CAMK4: variants seen among roughly 807,000 people sequenced by gnomAD.
CAMK4 encodes calcium/calmodulin-dependent protein kinase type IV.
A neutral mutation model predicts 44.9 loss-of-function variants in CAMK4; 22 were observed. The observed-to-expected ratio is 0.49, with a 90% CI of 0.35 to 0.70. The LOEUF is 0.70. Ranked by LOEUF, CAMK4 falls within the 30% of genes least tolerant of loss-of-function variation. The probability of loss-of-function intolerance (pLI) is 0.01; values close to 1 mark genes in which losing one functional copy is unlikely to be tolerated. For missense variants in CAMK4, 498 were observed against 586.8 expected, an observed-to-expected ratio of 0.85 and a Z score of 1.56; for synonymous variants, 218 against 215.4, an observed-to-expected ratio of 1.01 and a Z score of -0.11.
intron 5 of CAMK4, among the ~76,000 whole-genome samples, chr5:111,424,424 A>G (rs1391510708): frequency 6.9e-6 from 1 of 144,796 alleles, no homozygotes; most frequent in Non-Finnish European, 1.5e-5. Flanking sequence ...GCATATATGC[A>G]TCTTCTATTC....
At chr5:111,260,707 TC>T (rs770082022) in intron 1 of CAMK4, among the ~76,000 whole-genome samples, 2 of 152,194 alleles carry the variant, frequency 1.3e-5, no homozygotes, top group Non-Finnish European at 2.9e-5. Context: ...TTTTGTTCGT[TC>T]CTTATCTTCC....
chr5:111,234,336 G>A (rs984108145), intron 1 of CAMK4, among the ~76,000 whole-genome samples: 2 of 152,104 alleles, frequency 1.3e-5, no homozygotes, highest in African/African-American at 2.4e-5. Context: ...GAACGGTTTT[G>A]ATAAGAACTT....
At chr5:111,328,319 G>A (rs903327027) in intron 1 of CAMK4, among the ~76,000 whole-genome samples, 1 of 151,628 alleles carries the variant, frequency 6.6e-6, no homozygotes, top group Admixed American at 6.6e-5. Flanking sequence ...TCAGATAGTT[G>A]TAGATATGTG....
At chr5:111,393,171 A>C (rs1471286039) in intron 4 of CAMK4, among the ~76,000 whole-genome samples, 1 of 152,218 alleles carries the variant, frequency 6.6e-6, no homozygotes, top group Admixed American at 6.5e-5. Flanking sequence ...GAAACTGCTA[A>C]TGACTTGATG....
chr5:111,488,530 T>A lies in CAMK4; in HGVS notation c.*4064T>A, dbSNP rs1755709839. On this transcript the variant is annotated 3_prime_UTR_variant, in exon 11 of 11. Coordinates refer to ENST00000282356, the MANE Select transcript of CAMK4 (RefSeq NM_001744.6). Reference sequence around the variant, plus strand: ...AGAATGTTTAGCAATCCCTATGTCCTGTTTCACATGCATGGTAACTGATGG... The same window carrying A: ...AGAATGTTTAGCAATCCCTATGTCCAGTTTCACATGCATGGTAACTGATGG... 6.6e-6 allele frequency: 1 copy of A among 152,228 alleles called. No individual in the cohort carries two copies. Among genetic ancestry groups the A allele is most frequent in the Non-Finnish European group, 1.5e-5 (1 of 68,036 alleles). The allele number at this position is 152,228 out of a possible 1,614,324, so 9.4% of individuals were successfully genotyped here.
Position 111,453,815 on chromosome 5 carries a change from C to G in CAMK4, c.625+4612C>G, listed in dbSNP as rs1297344497. On this transcript the variant is annotated intron_variant, in intron 7 of 10. Coordinates refer to ENST00000282356, the MANE Select transcript of CAMK4 (RefSeq NM_001744.6). ...GGGTATTTTCTTGGGAAAGGCAAGG[C>G]AAGGCAGGGTGAACAGTTTAGGATT... 3.3e-5 allele frequency among the ~76,000 whole-genome samples: 5 copies of G among 152,224 alleles called. No individual in the cohort carries two copies. The East Asian group carries it at 9.7e-4, about 29-fold the overall frequency.
At chr5:111,384,341 T>C (rs1751522335) in intron 4 of CAMK4, among the ~76,000 whole-genome samples, 1 of 152,154 alleles carries the variant, frequency 6.6e-6, no homozygotes, top group Non-Finnish European at 1.5e-5. Flanking sequence ...CGTCCAACTT[T>C]TCAGCCGTCT....
At chr5:111,280,977 A>G (rs1020480551) in intron 1 of CAMK4, among the ~76,000 whole-genome samples, 1 of 152,186 alleles carries the variant, frequency 6.6e-6, no homozygotes, top group Non-Finnish European at 1.5e-5. Context: ...TCTGGGTGTG[A>G]TTTGGCCCTG....
chr5:111,419,409 T>C (rs1345828167), intron 5 of CAMK4, among the ~76,000 whole-genome samples: 1 of 152,228 alleles, frequency 6.6e-6, no homozygotes, highest in Non-Finnish European at 1.5e-5. Context: ...TTCACTCTGA[T>C]GGTAGTTTCT....
intron 1 of CAMK4, among the ~76,000 whole-genome samples, chr5:111,291,561 C>G (rs906596435): frequency 3.9e-5 from 6 of 152,176 alleles, no homozygotes; most frequent in Non-Finnish European, 7.4e-5. Flanking sequence ...CTCTGTTACT[C>G]AGGCTGGAGT....
chr5:111,470,214 A>G (rs1755015440), intron 7 of CAMK4, among the ~76,000 whole-genome samples: 1 of 152,270 alleles, frequency 6.6e-6, no homozygotes, highest in African/African-American at 2.4e-5. Context: ...TCTGTGGGGT[A>G]CAGATTGCCC....
At chr5:111,303,166 G>C (rs1428262025) in intron 1 of CAMK4, among the ~76,000 whole-genome samples, 2 of 14,346 alleles carry the variant, frequency 1.4e-4, no homozygotes, top group Non-Finnish European at 2.2e-4. Flanking sequence ...AGAAAAACTG[G>C]AAACTCTAAA....
At chr5:111,460,797 C>T (rs137996044) in intron 7 of CAMK4, among the ~76,000 whole-genome samples, 26 of 151,936 alleles carry the variant, frequency 1.7e-4, no homozygotes, top group Non-Finnish European at 2.6e-4. Context: ...GATAGGAAGG[C>T]TCAATGGAAT....
intron 4 of CAMK4, among the ~76,000 whole-genome samples, chr5:111,386,265 A>C (rs927416207): frequency 1.3e-5 from 2 of 152,232 alleles, no homozygotes; most frequent in African/African-American, 2.4e-5. Context: ...ATGTAACAGC[A>C]TAATGGTGTA....
intron 5 of CAMK4, among the ~76,000 whole-genome samples, chr5:111,400,548 A>G (rs1752186197): frequency 6.6e-6 from 1 of 152,092 alleles, no homozygotes; most frequent in Non-Finnish European, 1.5e-5. Context: ...CATATCTTGC[A>G]ATCCCTCCCT....
intron 1 of CAMK4, among the ~76,000 whole-genome samples, chr5:111,274,095 A>G (rs528855451): frequency 9.7e-4 from 148 of 151,952 alleles, no homozygotes; most frequent in African/African-American, 3.4e-3. Flanking sequence ...ATGTTTCTGG[A>G]ACACGTGGAA....
intron 5 of CAMK4, among the ~76,000 whole-genome samples, chr5:111,441,527 G>A (rs1159617979): frequency 1.3e-5 from 2 of 152,006 alleles, no homozygotes; most frequent in East Asian, 1.9e-4. Context: ...TTAGAAGTAG[G>A]GTGCTACAAT....
chr5:111,270,619 A>T (rs1184284785), intron 1 of CAMK4, among the ~76,000 whole-genome samples: 1 of 152,066 alleles, frequency 6.6e-6, no homozygotes, highest in Non-Finnish European at 1.5e-5. Context: ...GCTTACCCCT[A>T]TTCCCTTCCT....
intron 1 of CAMK4, among the ~76,000 whole-genome samples, chr5:111,278,593 G>T (rs1750870898): frequency 6.6e-6 from 1 of 152,200 alleles, no homozygotes; most frequent in Non-Finnish European, 1.5e-5. Flanking sequence ...CAATGCACCA[G>T]GTAGTGTGTG....
Sources: allele counts gnomAD v4.1 joint callset (sites outside exome capture counted in the v4.1 genomes callset), GRCh38; gene constraint gnomAD v4.1.1; transcripts MANE v1.5; gene names NCBI Gene and HGNC (gene_info 2026-07-23, HGNC 2026-07-21).